Variants in FBXL13 observed in about 807,000 individuals in gnomAD.
FBXL13 encodes the protein F-box and leucine rich repeat protein 13, also known as F-box and leucine-rich repeat protein 13.
FBXL13 carries 67 observed loss-of-function variants against 83.6 expected under a neutral mutation model. The observed-to-expected ratio is 0.80, with a 90% CI of 0.66 to 0.98. The LOEUF (loss-of-function observed/expected upper bound fraction) is 0.98. Among genes scored for constraint, FBXL13 ranks in the 50% least tolerant of loss-of-function variants. The pLI is 0.00. For synonymous variants in FBXL13, 272 were observed against 299.5 expected, an observed-to-expected ratio of 0.91 and a Z score of 0.95; for missense variants, 822 against 866.5, an observed-to-expected ratio of 0.95 and a Z score of 0.64.
At chr7:102,843,378 G>C (rs1803318858) in intron 17 of FBXL13, among the ~76,000 whole-genome samples, 1 of 152,168 alleles carries the variant, frequency 6.6e-6, no homozygotes, top group South Asian at 2.1e-4. Context: ...AGGAGGCAGA[G>C]GTTGCAGTGA....
At chr7:102,902,701 T>C (rs961837522) in intron 11 of FBXL13, among the ~76,000 whole-genome samples, 3 of 152,236 alleles carry the variant, frequency 2.0e-5, no homozygotes, top group African/African-American at 7.2e-5. Flanking sequence ...CCTCAGTGTG[T>C]GTCCTTGGCA....
At chr7:102,829,066 T>C (rs982673195) in intron 18 of FBXL13, among the ~76,000 whole-genome samples, 3 of 152,178 alleles carry the variant, frequency 2.0e-5, no homozygotes, top group Non-Finnish European at 4.4e-5. Context: ...CAGGACATCT[T>C]TCCGTGCTTC....
intron 6 of FBXL13, among the ~76,000 whole-genome samples, chr7:102,983,601 G>T (rs1336879218): frequency 6.6e-6 from 1 of 151,734 alleles, no homozygotes. Context: ...TGTATTTTTA[G>T]TAGAGACGGG....
intron 18 of FBXL13, among the ~76,000 whole-genome samples, chr7:102,828,768 G>C (rs1800158223): frequency 6.6e-6 from 1 of 152,156 alleles, no homozygotes; most frequent in South Asian, 2.1e-4. Flanking sequence ...GAGAAATTCT[G>C]TGCATGCCCT....
chr7:102,939,455 C>T (rs1268358209), intron 8 of FBXL13: 6 of 1,608,810 alleles, frequency 3.7e-6, no homozygotes, highest in Non-Finnish European at 5.1e-6. Flanking sequence ...CAAACAACAT[C>T]CCTCCAGATA....
intron 11 of FBXL13, among the ~76,000 whole-genome samples, chr7:102,890,673 AAGGT>A (rs1811430694): frequency 6.6e-6 from 1 of 152,224 alleles, no homozygotes; most frequent in Non-Finnish European, 1.5e-5. Context: ...CTGCCGCTCT[AAGGT>A]AGTAAAAAGA....
chr7:102,900,313 G>T (rs78468687), intron 11 of FBXL13, among the ~76,000 whole-genome samples: 1 of 152,166 alleles, frequency 6.6e-6, no homozygotes, highest in East Asian at 1.9e-4. Flanking sequence ...TTTATTCATC[G>T]CAGTGCCCAG....
chr7:102,844,205 TCA>T (rs1210635603), intron 17 of FBXL13, among the ~76,000 whole-genome samples: 2 of 152,218 alleles, frequency 1.3e-5, no homozygotes, highest in Non-Finnish European at 2.9e-5. Flanking sequence ...ATAATTAACT[TCA>T]GAGTCATTTA....
intron 6 of FBXL13, among the ~76,000 whole-genome samples, chr7:103,014,190 C>T (rs995324732): frequency 2.6e-5 from 4 of 151,982 alleles, no homozygotes; most frequent in Admixed American, 6.6e-5. Context: ...CCTTTCTATA[C>T]CAGAAAAATA....
intron 7 of FBXL13, among the ~76,000 whole-genome samples, chr7:102,964,128 T>C (rs901479257): frequency 1.3e-5 from 2 of 151,916 alleles, no homozygotes; most frequent in Non-Finnish European, 2.9e-5. Flanking sequence ...CTAGCCAACA[T>C]GGCAAAACCC....
intron 11 of FBXL13, among the ~76,000 whole-genome samples, chr7:102,888,924 T>G (rs569637690): frequency 1.3e-5 from 2 of 152,292 alleles, no homozygotes; most frequent in South Asian, 2.1e-4. Flanking sequence ...GCTCAACCTC[T>G]CGACTCTTAG....
chr7:103,004,830 T>A (rs1790807066), intron 6 of FBXL13, among the ~76,000 whole-genome samples: 1 of 152,202 alleles, frequency 6.6e-6, no homozygotes, highest in African/African-American at 2.4e-5. Context: ...ATGGTGATAA[T>A]CCTGGTGCTC....
intron 16 of FBXL13, among the ~76,000 whole-genome samples, chr7:102,870,902 T>G (rs532062247): frequency 6.6e-6 from 1 of 152,158 alleles, no homozygotes; most frequent in African/African-American, 2.4e-5. Context: ...GGGGACAGAG[T>G]GAGACCCTTT....
At chr7:102,835,306 G>A (rs1801681574) in intron 17 of FBXL13, among the ~76,000 whole-genome samples, 1 of 115,248 alleles carries the variant, frequency 8.7e-6, no homozygotes, top group African/African-American at 3.2e-5. Flanking sequence ...CCTGTCACTG[G>A]AGATAATCAA....
intron 8 of FBXL13, among the ~76,000 whole-genome samples, chr7:102,945,863 G>A (rs1038567172): frequency 6.6e-6 from 1 of 152,042 alleles, no homozygotes. Context: ...ATGGAAGATG[G>A]TATATAACAA....
chr7:102,926,246 A>G (rs1311269007), intron 10 of FBXL13, 28 bp downstream of exon 11: 1 of 1,590,482 alleles, frequency 6.3e-7, no homozygotes, highest in Non-Finnish European at 8.6e-7. Context: ...AATTTTTTTC[A>G]GTGTCATACA....
At chr7:102,921,081 G>A (rs928629325) in intron 10 of FBXL13, among the ~76,000 whole-genome samples, 5 of 152,168 alleles carry the variant, frequency 3.3e-5, no homozygotes, top group African/African-American at 9.7e-5. Context: ...CAGCCCAGGA[G>A]GCGGAGGTTG....
intron 9 of FBXL13, 45 bp downstream of exon 10, chr7:102,931,836 A>T (rs1819234809): frequency 1.3e-6 from 2 of 1,577,746 alleles, no homozygotes; most frequent in African/African-American, 1.3e-5. Flanking sequence ...CAATGTAGCA[A>T]GTCAATCTAT....
chr7:102,875,923 T>C (rs1425121334), intron 16 of FBXL13, among the ~76,000 whole-genome samples: 2 of 151,978 alleles, frequency 1.3e-5, no homozygotes, highest in African/African-American at 2.4e-5. Context: ...CAAAGAAAGG[T>C]AGAGGAAAAC....
Sources: gnomAD v4.1 joint callset for allele counts (sites outside exome capture counted in the v4.1 genomes callset) on GRCh38, gnomAD v4.1.1 for gene constraint, MANE v1.5 for transcripts, NCBI Gene and HGNC (gene_info 2026-07-23, HGNC 2026-07-21) for gene names.